The following SDK2 variants were observed in gnomAD, a reference collection of about 807,000 sequenced individuals.
SDK2 encodes sidekick cell adhesion molecule 2.
SDK2 carries 105 observed loss-of-function variants against 253.9 expected under a neutral mutation model. That is an observed-to-expected ratio of 0.41 (90% CI 0.35 to 0.49). SDK2 has a LOEUF of 0.49. SDK2 is among the 20% of genes least tolerant of loss of function. The probability of loss-of-function intolerance (pLI) is 0.06; values close to 1 mark genes in which losing one functional copy is unlikely to be tolerated. For synonymous variants in SDK2, 1,249 were observed against 1,234.9 expected, an observed-to-expected ratio of 1.01 and a Z score of -0.24; for missense variants, 2,608 against 3,003.0, an observed-to-expected ratio of 0.87 and a Z score of 3.07.
chr17:73,342,944 AG>A (rs2145373854), intron 44 of SDK2, among the ~76,000 whole-genome samples: 1 of 152,290 alleles, frequency 6.6e-6, no homozygotes, highest in East Asian at 1.9e-4. Flanking sequence ...GAAGCCTCAA[AG>A]CTCCCCTGGG....
chr17:73,356,853 G>A (rs2062596153), intron 40 of SDK2, among the ~76,000 whole-genome samples: 1 of 152,182 alleles, frequency 6.6e-6, no homozygotes, highest in Non-Finnish European at 1.5e-5. Flanking sequence ...CACAAACTTG[G>A]AACACCAGAG....
intron 10 of SDK2, among the ~76,000 whole-genome samples, chr17:73,432,057 G>A (rs1397041729): frequency 6.6e-6 from 1 of 152,128 alleles, no homozygotes; most frequent in African/African-American, 2.4e-5. Context: ...GCTCTGACAA[G>A]GTGATGACGG....
intron 1 of SDK2, among the ~76,000 whole-genome samples, chr17:73,525,004 T>C (rs2064113960): frequency 6.6e-6 from 1 of 152,250 alleles, no homozygotes; most frequent in Admixed American, 6.5e-5. Context: ...AGGCCGTGGA[T>C]GGCTGTCCAA....
At chr17:73,477,588 A>G (rs1050533765) in intron 2 of SDK2, among the ~76,000 whole-genome samples, 11 of 152,230 alleles carry the variant, frequency 7.2e-5, no homozygotes, top group African/African-American at 2.7e-4. Context: ...GGCCGTGGAT[A>G]CAAATGCCTG....
intron 12 of SDK2, among the ~76,000 whole-genome samples, chr17:73,425,748 C>T (rs1449781398): frequency 6.6e-6 from 1 of 152,058 alleles, no homozygotes; most frequent in African/African-American, 2.4e-5. Context: ...CTCAAGTGAT[C>T]CACCTGCCTC....
At position 73,340,734 on chromosome 17, in the gene SDK2, G is replaced by GTTTTTTTTTTTT. The variant is rs10638504; in HGVS notation, c.6166-1806_6166-1795dup. Among the ~76,000 whole-genome samples, 15 of 77,558 alleles carry GTTTTTTTTTTTT rather than the reference G, an allele frequency of 1.9e-4. 4 individuals carry two copies. Among genetic ancestry groups the GTTTTTTTTTTTT allele is most frequent in the Admixed American group, 2.1e-4 (1 of 4,732 alleles). The allele number at this position is 77,558 out of a possible 152,430, so 50.9% of individuals were successfully genotyped here. On this transcript the variant is annotated intron_variant, in intron 44 of 44. Coordinates refer to ENST00000392650, the MANE Select transcript of SDK2 (RefSeq NM_001144952.2). ...ATTTTCATGTAATGAAAACCTTAAA[G>GTTTTTTTTTTTT]TTTTTTTTTTTTTTTTTTTTTTTTT...
intron 36 of SDK2, among the ~76,000 whole-genome samples, chr17:73,373,077 G>A (rs1290457144): frequency 6.6e-6 from 1 of 152,176 alleles, no homozygotes; most frequent in Non-Finnish European, 1.5e-5. Context: ...CTGTTCCTAT[G>A]AGTTTGATTA....
rs950797554 is a variant in SDK2 at position 73,582,436 on chromosome 17, C to CT, written c.64+61588dup. On this transcript the variant is annotated intron_variant, in intron 1 of 44. Coordinates refer to ENST00000392650, the MANE Select transcript of SDK2 (RefSeq NM_001144952.2). ...CACTGTGCAGGCACGAACACTTTGC[C>CT]TTTTTTTCATGCTGGCAACAGCTGG... is the stretch of plus-strand genomic sequence containing the variant. 3.9e-5 allele frequency among the ~76,000 whole-genome samples: 6 copies of CT among 152,204 alleles called. No homozygotes were observed. The South Asian group carries it at 1.0e-3, about 26-fold the overall frequency.
At chr17:73,636,963 C>T (rs779999943) in intron 1 of SDK2, among the ~76,000 whole-genome samples, 6 of 152,084 alleles carry the variant, frequency 3.9e-5, no homozygotes, top group Non-Finnish European at 7.4e-5. Context: ...GACAAAGAAA[C>T]AGAGGTTGAG....
At chr17:73,454,743 C>T (rs538577895) in intron 4 of SDK2, among the ~76,000 whole-genome samples, 3 of 151,514 alleles carry the variant, frequency 2.0e-5, no homozygotes, top group Non-Finnish European at 2.9e-5. Flanking sequence ...TGTCTGGAGG[C>T]TGGAGGCTGG....
At chr17:73,366,243 G>A (rs2062684348) in intron 37 of SDK2, among the ~76,000 whole-genome samples, 2 of 152,342 alleles carry the variant, frequency 1.3e-5, no homozygotes, top group Admixed American at 1.3e-4. Flanking sequence ...CTACAGGGAC[G>A]TGGGACAGAA....
At chr17:73,550,607 G>C (rs1476548044) in intron 1 of SDK2, among the ~76,000 whole-genome samples, 1 of 152,194 alleles carries the variant, frequency 6.6e-6, no homozygotes, top group Non-Finnish European at 1.5e-5. Context: ...CTACCCTGCA[G>C]CTTCCTGCCA....
At chr17:73,507,097 G>A (rs1194350596) in intron 2 of SDK2, among the ~76,000 whole-genome samples, 2 of 152,212 alleles carry the variant, frequency 1.3e-5, no homozygotes, top group East Asian at 1.9e-4. Context: ...GGCAGTGTTC[G>A]AGAGAGTGAG....
rs2062388785 is a variant in SDK2 at position 73,337,366 on chromosome 17, T to A, written c.*1221A>T. 1 of 152,422 alleles carries A rather than the reference T, an allele frequency of 6.6e-6. No homozygotes were observed. The highest frequency in any genetic ancestry group is 2.4e-5 in the African/African-American group (1 of 41,452). The allele number at this position is 152,422 out of a possible 1,614,324, so 9.4% of individuals were successfully genotyped here. A position where few individuals can be genotyped will look rare whatever the true frequency, so the allele number is the denominator to read the frequency against. ...GGCCACCCCTCTGGGCTCCTGTGCC[T>A]CTGTGCTTAGGAGGCTGCCGGGTGG... On this transcript the variant is annotated 3_prime_UTR_variant, in exon 45 of 45. Transcript: ENST00000392650.
rs1373267724 is a variant in SDK2 at position 73,481,621 on chromosome 17, G to A, written c.225-9403C>T. ...GGACGTAGCCGGATCCCTCACCAACGCAGGACGGAACCATCCAATCCACTG... is the reference window on the plus strand; with the variant it reads ...GGACGTAGCCGGATCCCTCACCAACACAGGACGGAACCATCCAATCCACTG... On this transcript the variant is annotated intron_variant, in intron 2 of 44. Transcript: ENST00000392650. This position sits in a 1 kb window ranked among gnomAD's most constrained non-coding sequence, Gnocchi z 4.5. 2.0e-5 allele frequency among the ~76,000 whole-genome samples: 3 copies of A among 152,126 alleles called. 1 individual carries two copies. The highest frequency in any genetic ancestry group is 2.9e-5 in the Non-Finnish European group (2 of 68,024).
chr17:73,438,922 G>A (rs905165072), intron 6 of SDK2, among the ~76,000 whole-genome samples: 2 of 152,180 alleles, frequency 1.3e-5, no homozygotes, highest in African/African-American at 4.8e-5. Flanking sequence ...AGTAGCTTGA[G>A]GTGACGCTGG....
rs186714889 is a variant in SDK2 at position 73,629,229 on chromosome 17, C to T, written c.64+14796G>A. Among the ~76,000 whole-genome samples, 18 of 152,282 alleles carry T rather than the reference C, an allele frequency of 1.2e-4. 1 individual carries two copies. Among genetic ancestry groups the T allele is most frequent in the South Asian group, 1.0e-3 (5 of 4,818 alleles). On this transcript the variant is annotated intron_variant, in intron 1 of 44. Transcript: ENST00000392650. The surrounding 1 kb of genome is among the most constrained non-coding windows in gnomAD (Gnocchi z 5.0). ...GTTCCCTACCATTTTAGCTCAGATA[C>T]GGGCCCTCAGGGAGGCTCCAGAATC...
intron 9 of SDK2, among the ~76,000 whole-genome samples, chr17:73,434,876 C>T (rs2063355010): frequency 6.6e-6 from 1 of 152,130 alleles, no homozygotes. Context: ...GTGATCCACC[C>T]CCCTCGACCT....
chr17:73,482,542 G>C (rs116778704), intron 2 of SDK2, among the ~76,000 whole-genome samples: 1 of 152,232 alleles, frequency 6.6e-6, no homozygotes, highest in African/African-American at 2.4e-5. Flanking sequence ...AGAGGATGGC[G>C]GTGTTATCGA....
Sources: allele counts gnomAD v4.1 joint callset (sites outside exome capture counted in the v4.1 genomes callset), GRCh38; gene constraint gnomAD v4.1.1; non-coding constraint Gnocchi (gnomAD v3.1); transcripts MANE v1.5; gene names NCBI Gene and HGNC (gene_info 2026-07-23, HGNC 2026-07-21).